The following AAK1 variants were observed in gnomAD, a reference collection of about 807,000 sequenced individuals.
AAK1 encodes AP2-associated protein kinase 1.
Under a neutral mutation model 116.0 loss-of-function variants are expected in AAK1, and 37 were observed. That is an observed-to-expected ratio of 0.32 (90% CI 0.25 to 0.42). The LOEUF is 0.42. Among genes scored for constraint, AAK1 ranks in the 10% least tolerant of loss-of-function variants. The probability of loss-of-function intolerance (pLI) is 1.00; values close to 1 mark genes in which losing one functional copy is unlikely to be tolerated. For synonymous variants in AAK1, 458 were observed against 439.9 expected (o/e 1.04, Z -0.51); for missense variants, 919 against 1,170.6 (o/e 0.79, Z 3.14).
intron 2 of AAK1, among the ~76,000 whole-genome samples, chr2:69,567,361 C>T (rs371854524): frequency 3.3e-5 from 5 of 152,178 alleles, no homozygotes; most frequent in Admixed American, 2.6e-4. Flanking sequence ...CCAGGACATA[C>T]CATGAATATA....
At chr2:69,613,011 C>A (rs775652932) in intron 2 of AAK1, among the ~76,000 whole-genome samples, 1 of 152,122 alleles carries the variant, frequency 6.6e-6, no homozygotes, top group Non-Finnish European at 1.5e-5. Context: ...ATCTGGAGAC[C>A]AGGAAAATTC....
intron 2 of AAK1, among the ~76,000 whole-genome samples, chr2:69,582,979 A>G (rs185411210): frequency 0.023 from 3,472 of 152,274 alleles, 129 homozygotes; most frequent in African/African-American, 0.079. Context: ...TAACTGCCAC[A>G]GCCACAGAAC....
chr2:69,505,552 G>T lies in AAK1; in HGVS notation c.2269+17C>A. On this transcript the variant is annotated intron_variant, in intron 16 of 21. Transcript: ENST00000409085. ...AACAACAGTGAACCTCCCGTTCCAG[G>T]TATTTGCCATACTAACCAGTTCCAG... 1 of 1,605,932 alleles carries T rather than the reference G, an allele frequency of 6.2e-7. No homozygotes were observed. Among genetic ancestry groups the T allele is most frequent in the African/African-American group, 1.3e-5 (1 of 74,800 alleles).
At chr2:69,525,379 C>CCTT (rs892889415) in intron 9 of AAK1, among the ~76,000 whole-genome samples, 20 of 152,196 alleles carry the variant, frequency 1.3e-4, no homozygotes, top group African/African-American at 4.8e-4. Context: ...TTATTCTCTA[C>CCTT]CTTCTGTACC....
chr2:69,485,879 G>C (rs543080971), intron 17 of AAK1, among the ~76,000 whole-genome samples: 1 of 151,774 alleles, frequency 6.6e-6, no homozygotes, highest in Admixed American at 6.6e-5. Context: ...GGTTGGTCTC[G>C]AACTCCTGAC....
At chr2:69,496,612 AG>A (rs1479791248) in intron 16 of AAK1, among the ~76,000 whole-genome samples, 2 of 152,138 alleles carry the variant, frequency 1.3e-5, no homozygotes, top group African/African-American at 4.8e-5. Context: ...CAATAAAACC[AG>A]GGTATTCATA....
chr2:69,610,706 C>G (rs1674039479), intron 2 of AAK1, among the ~76,000 whole-genome samples: 1 of 152,174 alleles, frequency 6.6e-6, no homozygotes, highest in Non-Finnish European at 1.5e-5. Flanking sequence ...ATAGACATTT[C>G]TCCAAAGAAG....
chr2:69,527,170 G>A (rs758379307), intron 9 of AAK1, 46 bp downstream of exon 9: 10 of 1,392,070 alleles, frequency 7.2e-6, no homozygotes, highest in Non-Finnish European at 4.0e-6. Context: ...GCTCAAAATG[G>A]CAATTTGATA....
intron 16 of AAK1, among the ~76,000 whole-genome samples, chr2:69,497,339 G>A (rs1386903034): frequency 8.2e-5 from 9 of 109,222 alleles, no homozygotes; most frequent in Non-Finnish European, 1.5e-4. Flanking sequence ...GTCTTGCTCT[G>A]TTGCCCAGGC....
chr2:69,595,305 G>A (rs963142368), intron 2 of AAK1, among the ~76,000 whole-genome samples: 2 of 152,084 alleles, frequency 1.3e-5, no homozygotes, highest in Non-Finnish European at 2.9e-5. Flanking sequence ...TAGTAGAGAC[G>A]GGGTTTCACC....
chr2:69,475,053 C>G lies in AAK1; in HGVS notation c.*816G>C. ...TCTTGTTTTGGTCTAATTCTGAGAT[C>G]CCACTTGGAACAGTTAACATGAAAA... On this transcript the variant is annotated 3_prime_UTR_variant, in exon 22 of 22. Coordinates refer to ENST00000409085, the MANE Select transcript of AAK1 (RefSeq NM_014911.5). 1 of 966,008 alleles carries G rather than the reference C, an allele frequency of 1.0e-6. No homozygotes were observed. The highest frequency in any genetic ancestry group is 1.2e-6 in the Non-Finnish European group (1 of 827,284). The allele number at this position is 966,008 out of a possible 1,614,324, so 59.8% of individuals were successfully genotyped here.
intron 2 of AAK1, among the ~76,000 whole-genome samples, chr2:69,584,127 C>T (rs1672659407): frequency 6.6e-6 from 1 of 152,188 alleles, no homozygotes; most frequent in Non-Finnish European, 1.5e-5. Flanking sequence ...AAAACCCACC[C>T]GCCTCCTTCA....
chr2:69,619,212 C>A lies in AAK1; in HGVS notation c.163+23666G>T, dbSNP rs567832284. Reference sequence around the variant, plus strand: ...GGTTAGCTCCCTCTCTCATTCCCCTCGATGACTAACCCAACTCTCAGGAGT... The same window carrying A: ...GGTTAGCTCCCTCTCTCATTCCCCTAGATGACTAACCCAACTCTCAGGAGT... On this transcript the variant is annotated intron_variant, in intron 2 of 21. Transcript: ENST00000409085. Among the ~76,000 whole-genome samples the A allele has an allele frequency of 6.6e-4, 100 of 152,186 alleles. 1 individual carries two copies. Among genetic ancestry groups the A allele is most frequent in the Non-Finnish European group, 1.4e-3 (92 of 68,028 alleles).
rs1489901866 is a variant in AAK1, at chr2:69,473,829, C to T, written c.*2040G>A. On this transcript the variant is annotated 3_prime_UTR_variant, in exon 22 of 22. Coordinates refer to ENST00000409085, the MANE Select transcript of AAK1 (RefSeq NM_014911.5). Reference sequence around the variant, plus strand: ...TTAATTTATACATTCTTTCTATGTCCAGGAAAGAGAATACAATTCTGACCT... The same window carrying T: ...TTAATTTATACATTCTTTCTATGTCTAGGAAAGAGAATACAATTCTGACCT... 1.0e-6 allele frequency: 1 copy of T among 985,366 alleles called. No homozygotes were observed. Among genetic ancestry groups the T allele is most frequent in the Non-Finnish European group, 1.2e-6 (1 of 829,836 alleles). The allele number at this position is 985,366 out of a possible 1,614,324, so 61.0% of individuals were successfully genotyped here. A position where few individuals can be genotyped will look rare whatever the true frequency, so the allele number is the denominator to read the frequency against.
intron 2 of AAK1, among the ~76,000 whole-genome samples, chr2:69,614,877 T>C (rs996188208): frequency 6.6e-6 from 1 of 152,072 alleles, no homozygotes; most frequent in Non-Finnish European, 1.5e-5. Flanking sequence ...AACCAAGGAA[T>C]GCCTGGAGCC....
intron 21 of AAK1, 59 bp from the exon 22 acceptor site, chr2:69,476,022 C>G: frequency 6.6e-7 from 1 of 1,516,016 alleles, no homozygotes; most frequent in Middle Eastern, 1.7e-4. Flanking sequence ...TTTAGATGTG[C>G]AGAGCAAGCA....
chr2:69,487,946 C>T (rs999938484), intron 17 of AAK1, among the ~76,000 whole-genome samples: 6 of 151,910 alleles, frequency 3.9e-5, no homozygotes, highest in Non-Finnish European at 7.4e-5. Flanking sequence ...CCTGCCACCA[C>T]GCCCAGCTAA....
chr2:69,471,208 T>C lies in AAK1; in HGVS notation c.*4661A>G. Reference sequence around the variant, plus strand: ...TACATCAAAGTGTGAACCAAGAACGTGTCTTTAATTCTAGCAACTACCACC... The same window carrying C: ...TACATCAAAGTGTGAACCAAGAACGCGTCTTTAATTCTAGCAACTACCACC... On this transcript the variant is annotated 3_prime_UTR_variant, in exon 22 of 22. Coordinates refer to ENST00000409085, the MANE Select transcript of AAK1 (RefSeq NM_014911.5). 1.0e-6 allele frequency: 1 copy of C among 985,442 alleles called. No homozygotes were observed. The highest frequency in any genetic ancestry group is 1.7e-5 in the African/African-American group (1 of 57,362). The allele number at this position is 985,442 out of a possible 1,614,324, so 61.0% of individuals were successfully genotyped here.
At chr2:69,483,043 C>T (rs923021426) in intron 17 of AAK1, among the ~76,000 whole-genome samples, 1 of 152,142 alleles carries the variant, frequency 6.6e-6, no homozygotes, top group Admixed American at 6.5e-5. Flanking sequence ...ATTCAAGATG[C>T]TGTCCTGGGT....
Sources: gnomAD v4.1 joint callset for allele counts (sites outside exome capture counted in the v4.1 genomes callset) on GRCh38, gnomAD v4.1.1 for gene constraint, MANE v1.5 for transcripts, NCBI Gene and HGNC (gene_info 2026-07-23, HGNC 2026-07-21) for gene names.